Variants in GK5 observed in about 807,000 individuals in gnomAD.
GK5 encodes glycerol kinase 5, also known as ATP:glycerol 3-phosphotransferase 5.
A neutral mutation model predicts 77.3 loss-of-function variants in GK5; 39 were observed. The observed-to-expected ratio is 0.50, with a 90% confidence interval of 0.39 to 0.66. The LOEUF (loss-of-function observed/expected upper bound fraction) is 0.66. Ranked by LOEUF, GK5 falls within the 30% of genes least tolerant of loss-of-function variation. GK5 has a pLI of 0.00. For missense variants in GK5, 487 were observed against 633.8 expected (o/e 0.77, Z 2.49); for synonymous variants, 211 against 208.0 (o/e 1.01, Z -0.13).
At chr3:142,207,149 C>T (rs1057046550) in intron 3 of GK5, among the ~76,000 whole-genome samples, 1 of 152,166 alleles carries the variant, frequency 6.6e-6, no homozygotes, top group African/African-American at 2.4e-5. Context: ...CACCAAGATT[C>T]CTATCCCAGA....
At position 142,181,501 on chromosome 3, in the gene GK5, T is replaced by C. The variant is rs1465823006; in HGVS notation, c.1008A>G (p.Ala336=). 4 of 1,613,562 alleles carry C rather than the reference T, an allele frequency of 2.5e-6. No individual in the cohort carries two copies. The highest frequency in any genetic ancestry group is 2.2e-5 in the East Asian group (1 of 44,878). The change falls in exon 11 of 16, where the codon GCA becomes GCG. Residue 336 remains alanine (A), a synonymous_variant. Transcript: ENST00000392993. ...ATTTTATGGCAGTACCAGTGTCTCC[T>C]GCATTGCTTTCAGCTAAGCATACGA... The part of the protein sequence containing the change: ...QEVVCLAESN[A]GDTGTAIKWA...
chr3:142,176,651 G>C (rs979337196), intron 12 of GK5, among the ~76,000 whole-genome samples: 1 of 145,978 alleles, frequency 6.9e-6, no homozygotes, highest in Admixed American at 6.8e-5. Flanking sequence ...AATGAAAGGA[G>C]ATTTTGATTT....
At chr3:142,195,615 G>A (rs2063923463) in intron 5 of GK5, among the ~76,000 whole-genome samples, 1 of 152,178 alleles carries the variant, frequency 6.6e-6, no homozygotes, top group South Asian at 2.1e-4. Flanking sequence ...GACTCCCAAA[G>A]TGCTGGGATT....
chr3:142,186,443 A>G lies in GK5; in HGVS notation c.681+9T>C. ...GTGTGATTCAAAAAGAAGAAAAAAA[A>G]ATTTTTACCTTATATGGGTCAAAAA... On this transcript the variant is annotated intron_variant, in intron 7 of 15. Coordinates refer to ENST00000392993, the MANE Select transcript of GK5 (RefSeq NM_001039547.3). 6.7e-7 allele frequency: 1 copy of G among 1,500,282 alleles called. No individual in the cohort carries two copies. The highest frequency in any genetic ancestry group is 9.0e-7 in the Non-Finnish European group (1 of 1,110,616). The allele number at this position is 1,500,282 out of a possible 1,614,324, so 92.9% of individuals were successfully genotyped here.
intron 14 of GK5, 141 bp from the exon 15 acceptor site, chr3:142,170,599 T>A: frequency 7.4e-6 from 5 of 678,986 alleles, no homozygotes; most frequent in South Asian, 2.2e-5. Flanking sequence ...CACTTAGCAT[T>A]AACCTAATGA....
intron 4 of GK5, among the ~76,000 whole-genome samples, chr3:142,203,907 T>C (rs77935949): frequency 6.6e-6 from 1 of 151,894 alleles, no homozygotes; most frequent in African/African-American, 2.4e-5. Context: ...CACTCAGGAG[T>C]GAGGGCAATT....
chr3:142,158,797 G>A lies in GK5; in HGVS notation c.*6825C>T, dbSNP rs2063401850. On this transcript the variant is annotated 3_prime_UTR_variant, in exon 16 of 16. Transcript: ENST00000392993. ...TAAATAAAAAGGTTAGAAACATTAT[G>A]ATAACTATGTACAAAGTATATATCT... 6.6e-6 allele frequency: 1 copy of A among 152,314 alleles called. No homozygotes were observed. The allele number at this position is 152,314 out of a possible 1,614,324, so 9.4% of individuals were successfully genotyped here.
chr3:142,170,191 T>G (rs1164397455), intron 15 of GK5, 134 bp downstream of exon 15: 1 of 884,720 alleles, frequency 1.1e-6, no homozygotes. Flanking sequence ...GTGAGTAATA[T>G]GCATATGTGT....
intron 5 of GK5, among the ~76,000 whole-genome samples, chr3:142,196,708 T>C (rs917772646): frequency 1.3e-5 from 2 of 152,204 alleles, no homozygotes; most frequent in African/African-American, 4.8e-5. Context: ...TTTAAATTTA[T>C]TGAGGCTTGT....
At chr3:142,191,413 C>CT (rs966561794) in intron 5 of GK5, among the ~76,000 whole-genome samples, 1 of 151,748 alleles carries the variant, frequency 6.6e-6, no homozygotes, top group African/African-American at 2.4e-5. Flanking sequence ...TAAAAAAAAA[C>CT]TTTAAGTGGG....
chr3:142,170,796 A>ATAGC (rs58971384), intron 14 of GK5, among the ~76,000 whole-genome samples: 68,515 of 151,642 alleles, frequency 0.45, 16,841 homozygotes, highest in African/African-American at 0.65. Context: ...TGCCCAAAGG[A>ATAGC]TATACACCCA....
chr3:142,214,782 C>T (rs375223397), intron 2 of GK5, among the ~76,000 whole-genome samples: 84 of 152,160 alleles, frequency 5.5e-4, no homozygotes, highest in African/African-American at 2.0e-3. Context: ...TATTAGAAAA[C>T]AGTGCTGTGT....
chr3:142,163,763 A>C lies in GK5; in HGVS notation c.*1859T>G, dbSNP rs899372542. 6.6e-6 allele frequency: 1 copy of C among 152,160 alleles called. No homozygotes were observed. The highest frequency in any genetic ancestry group is 1.5e-5 in the Non-Finnish European group (1 of 68,040). The allele number at this position is 152,160 out of a possible 1,614,324, so 9.4% of individuals were successfully genotyped here. ...GCAATCCCAGCACTTTGGGAGGCCA[A>C]GGTGGGAGGATCACTTGAGGCCAGG... On this transcript the variant is annotated 3_prime_UTR_variant, in exon 16 of 16. Transcript: ENST00000392993.
intron 1 of GK5, among the ~76,000 whole-genome samples, chr3:142,220,787 A>G (rs574721964): frequency 1.3e-5 from 2 of 152,306 alleles, no homozygotes; most frequent in African/African-American, 2.4e-5. Flanking sequence ...GCCCGTAAGC[A>G]AAGGGCAGAG....
At chr3:142,197,558 T>C (rs2063952426) in intron 5 of GK5, among the ~76,000 whole-genome samples, 1 of 152,210 alleles carries the variant, frequency 6.6e-6, no homozygotes, top group Non-Finnish European at 1.5e-5. Context: ...CTTGTTTTTT[T>C]ATCCAGTCTA....
At chr3:142,167,239 T>C (rs1278149478) in intron 15 of GK5, among the ~76,000 whole-genome samples, 2 of 152,178 alleles carry the variant, frequency 1.3e-5, no homozygotes, top group East Asian at 3.9e-4. Context: ...CTGGGCGTGG[T>C]GGCACGCGCC....
chr3:142,224,630 A>C (rs1179001292), intron 1 of GK5, among the ~76,000 whole-genome samples: 1 of 152,162 alleles, frequency 6.6e-6, no homozygotes, highest in African/African-American at 2.4e-5. Context: ...AATTTTATGA[A>C]TTCTCAAAGA....
intron 5 of GK5, among the ~76,000 whole-genome samples, chr3:142,192,699 G>A (rs2063869360): frequency 6.6e-6 from 1 of 151,640 alleles, no homozygotes; most frequent in African/African-American, 2.4e-5. Flanking sequence ...GGGAGGTAGA[G>A]GTTGCAGTGA....
intron 1 of GK5, among the ~76,000 whole-genome samples, chr3:142,217,473 C>T (rs1241444296): frequency 6.6e-6 from 1 of 151,694 alleles, no homozygotes; most frequent in African/African-American, 2.4e-5. Context: ...ATTATCTGCA[C>T]AACAGAAAGA....
Sources: gnomAD v4.1 joint callset for allele counts (sites outside exome capture counted in the v4.1 genomes callset) on GRCh38, gnomAD v4.1.1 for gene constraint, MANE v1.5 for transcripts, NCBI Gene and HGNC (gene_info 2026-07-23, HGNC 2026-07-21) for gene names.